ACVR1: variants seen among roughly 807,000 people sequenced by gnomAD.
ACVR1 encodes activin A receptor type 1.
Under a neutral mutation model 57.1 loss-of-function variants are expected in ACVR1, and 38 were observed. The ratio of observed to expected loss-of-function variants is 0.67; its 90% CI spans 0.51 to 0.87. The LOEUF (loss-of-function observed/expected upper bound fraction) is 0.87. Among genes scored for constraint, ACVR1 ranks in the 40% least tolerant of loss-of-function variants. The probability of loss-of-function intolerance (pLI) is 0.00; values close to 1 mark genes in which losing one functional copy is unlikely to be tolerated. For missense variants in ACVR1, 463 were observed against 638.2 expected (o/e 0.73, Z 2.96); for synonymous variants, 212 against 228.1 (o/e 0.93, Z 0.63).
intron 9 of ACVR1, among the ~76,000 whole-genome samples, chr2:157,760,209 G>C (rs1001320316): frequency 1.3e-5 from 2 of 152,080 alleles, no homozygotes; most frequent in Non-Finnish European, 2.9e-5. Context: ...AATACAGCCA[G>C]TTATCACTCA....
At chr2:157,847,775 A>G (rs1350063045) in intron 1 of ACVR1, among the ~76,000 whole-genome samples, 1 of 152,252 alleles carries the variant, frequency 6.6e-6, no homozygotes, top group African/African-American at 2.4e-5. Flanking sequence ...TTTTAGCCAG[A>G]GGATGAGACA....
chr2:157,858,012 T>C (rs1689592952), intron 1 of ACVR1, among the ~76,000 whole-genome samples: 1 of 151,902 alleles, frequency 6.6e-6, no homozygotes, highest in Non-Finnish European at 1.5e-5. Flanking sequence ...TCCCACACTA[T>C]GCCAGGCTTT....
intron 2 of ACVR1, among the ~76,000 whole-genome samples, chr2:157,817,935 G>A (rs1277257117): frequency 7.9e-5 from 12 of 151,040 alleles, no homozygotes; most frequent in Non-Finnish European, 1.5e-5. Flanking sequence ...CTGGGAGGTG[G>A]AGGTTGCAGT....
At chr2:157,786,606 A>G (rs188882712) in intron 3 of ACVR1, among the ~76,000 whole-genome samples, 1 of 152,316 alleles carries the variant, frequency 6.6e-6, no homozygotes, top group East Asian at 1.9e-4. Flanking sequence ...GTGGTGTGGT[A>G]GGTTTATTGT....
Position 157,737,281 on chromosome 2 carries a change from G to C in ACVR1, c.*250C>G, listed in dbSNP as rs886054986. The C allele has an allele frequency of 2.1e-5, 12 of 563,032 alleles. No individual in the cohort carries two copies. In the Admixed American group the frequency reaches 2.6e-4, roughly 12 times the overall value. 34.9% of individuals were successfully genotyped at this position (563,032 alleles called of 1,614,324 possible). On this transcript the variant is annotated 3_prime_UTR_variant, in exon 11 of 11. Coordinates refer to ENST00000434821, the MANE Select transcript of ACVR1 (RefSeq NM_001111067.4). ...TCCTCCAGTCCCTACCTTTGCAACA[G>C]TGTCTGTCCAACATTAGTCTCTGCA...
intron 1 of ACVR1, among the ~76,000 whole-genome samples, chr2:157,858,520 G>T (rs1216941631): frequency 6.6e-6 from 1 of 152,046 alleles, no homozygotes; most frequent in African/African-American, 2.4e-5. Flanking sequence ...CACCCAAGCT[G>T]GAGTGCAGTG....
At chr2:157,791,436 G>A (rs1300980431) in intron 3 of ACVR1, among the ~76,000 whole-genome samples, 2 of 152,052 alleles carry the variant, frequency 1.3e-5, no homozygotes, top group East Asian at 3.8e-4. Context: ...TTATTCATTT[G>A]TCAAATATTT....
chr2:157,845,681 G>A (rs185486596), intron 1 of ACVR1, among the ~76,000 whole-genome samples: 195 of 152,274 alleles, frequency 1.3e-3, no homozygotes, highest in African/African-American at 4.5e-3. Flanking sequence ...ACAGGCAGGA[G>A]GAAAAGTCAG....
intron 2 of ACVR1, among the ~76,000 whole-genome samples, chr2:157,802,648 T>C (rs1687368402): frequency 1.3e-5 from 2 of 152,172 alleles, no homozygotes; most frequent in Non-Finnish European, 2.9e-5. Context: ...TAAGTCTCAA[T>C]GGCTTCTCTA....
At chr2:157,834,614 C>T (rs1688711701) in intron 1 of ACVR1, among the ~76,000 whole-genome samples, 1 of 152,026 alleles carries the variant, frequency 6.6e-6, no homozygotes, top group African/African-American at 2.4e-5. Context: ...TTCTCAAATA[C>T]AGTATGAATT....
At chr2:157,781,410 C>T (rs976678784) in intron 3 of ACVR1, among the ~76,000 whole-genome samples, 2 of 152,200 alleles carry the variant, frequency 1.3e-5, no homozygotes, top group Admixed American at 1.3e-4. Flanking sequence ...AATTACAATC[C>T]ATGGTACCAA....
chr2:157,832,660 T>C (rs1413148070), intron 1 of ACVR1, among the ~76,000 whole-genome samples: 8 of 152,244 alleles, frequency 5.3e-5, no homozygotes, highest in Admixed American at 5.2e-4. Context: ...AGTCCACTAA[T>C]GGAATTTTAG....
At chr2:157,778,407 C>T in intron 4 of ACVR1, 65 bp from the exon 5 acceptor site, 1 of 1,346,534 alleles carries the variant, frequency 7.4e-7, no homozygotes, top group Non-Finnish European at 1.1e-6. Flanking sequence ...ATTAGCATAA[C>T]CAATATCCTA....
chr2:157,837,731 G>A (rs1012579295), intron 1 of ACVR1, among the ~76,000 whole-genome samples: 1 of 152,114 alleles, frequency 6.6e-6, no homozygotes, highest in Non-Finnish European at 1.5e-5. Context: ...TTAATCAGAT[G>A]TGGTTCAATT....
chr2:157,762,418 G>A (rs1053370738), intron 8 of ACVR1, among the ~76,000 whole-genome samples: 1 of 152,228 alleles, frequency 6.6e-6, no homozygotes, highest in South Asian at 2.1e-4. Flanking sequence ...ACTATCCTGA[G>A]TTTCAGGAAT....
Position 157,765,908 on chromosome 2 carries a change from T to C in ACVR1, c.1066+13A>G. 1 of 1,613,858 alleles carries C rather than the reference T, an allele frequency of 6.2e-7. No individual in the cohort carries two copies. The highest frequency in any genetic ancestry group is 1.1e-5 in the South Asian group (1 of 91,050). ...TAAAACTGGTGAGGAAAAAAATATT[T>C]TTAGAAATTTACCCAAATCTGCTAT... On this transcript the variant is annotated intron_variant, in intron 8 of 10. Coordinates refer to ENST00000434821, the MANE Select transcript of ACVR1 (RefSeq NM_001111067.4).
At chr2:157,777,933 T>C (rs774734624) in intron 5 of ACVR1, among the ~76,000 whole-genome samples, 198 bp downstream of exon 5, 1 of 152,216 alleles carries the variant, frequency 6.6e-6, no homozygotes, top group African/African-American at 2.4e-5. Context: ...CTTATTTAAA[T>C]GTCTATCTAA....
At chr2:157,855,922 A>G (rs1419319056) in intron 1 of ACVR1, among the ~76,000 whole-genome samples, 1 of 152,154 alleles carries the variant, frequency 6.6e-6, no homozygotes, top group African/African-American at 2.4e-5. Context: ...ATCCGCCTAA[A>G]TCTCTTCAAT....
chr2:157,865,716 C>T lies in ACVR1; in HGVS notation c.-183+10080G>A, dbSNP rs555654374. On this transcript the variant is annotated intron_variant, in intron 1 of 10. Transcript: ENST00000434821. ...CTGAGGCAGGAGAATCACTTGAACC[C>T]GGGAGGCAGAGGTTGTTGCAGTGAG... Among the ~76,000 whole-genome samples the T allele has an allele frequency of 4.8e-4, 72 of 149,212 alleles. 1 individual carries two copies. Among genetic ancestry groups the T allele is most frequent in the Admixed American group, 8.2e-4 (12 of 14,706 alleles).
Sources: allele counts gnomAD v4.1 joint callset (sites outside exome capture counted in the v4.1 genomes callset), GRCh38; gene constraint gnomAD v4.1.1; transcripts MANE v1.5; gene names NCBI Gene and HGNC (gene_info 2026-07-23, HGNC 2026-07-21).